ZFAT: variants seen among roughly 807,000 people sequenced by gnomAD.
The protein encoded by ZFAT is zinc finger and AT-hook domain containing, also known as zinc finger protein ZFAT.
A neutral mutation model predicts 117.7 loss-of-function variants in ZFAT; 64 were observed. That is an observed-to-expected ratio of 0.54 (90% CI 0.44 to 0.67). The LOEUF is 0.67. Ranked by LOEUF, ZFAT falls within the 30% of genes least tolerant of loss-of-function variation. The probability of loss-of-function intolerance (pLI) is 0.00; values close to 1 mark genes in which losing one functional copy is unlikely to be tolerated. For synonymous variants in ZFAT, 679 were observed against 615.0 expected (o/e 1.10, Z -1.54); for missense variants, 1,433 against 1,584.5 (o/e 0.90, Z 1.62).
chr8:134,752,271 G>A, the ZFAT span, among the ~76,000 whole-genome samples: 8 of 152,160 alleles, frequency 5.3e-5, 1 homozygote, highest in Admixed American at 2.0e-4. Context: ...TCAAACACCA[G>A]CCTCTGTGGC....
intron 1 of ZFAT, among the ~76,000 whole-genome samples, chr8:134,709,744 A>G (rs751716942): frequency 6.6e-6 from 1 of 152,228 alleles, no homozygotes; most frequent in Non-Finnish European, 1.5e-5. Context: ...CTACTTAACA[A>G]TAGCTATCTT....
At chr8:134,594,857 T>G (rs142059347) in intron 7 of ZFAT, 1 of 152,344 alleles carries the variant, frequency 6.6e-6, no homozygotes, top group East Asian at 1.9e-4. Context: ...GCATCAGGTA[T>G]CTTTGAGGTT....
At chr8:134,587,501 T>A (rs1359180489) in intron 9 of ZFAT, among the ~76,000 whole-genome samples, 1 of 152,154 alleles carries the variant, frequency 6.6e-6, no homozygotes, top group African/African-American at 2.4e-5. Context: ...CTTGTTTTCC[T>A]ATCTGCAGCA....
At chr8:134,584,827 T>C (rs951937987) in intron 9 of ZFAT, among the ~76,000 whole-genome samples, 1 of 152,092 alleles carries the variant, frequency 6.6e-6, no homozygotes, top group African/African-American at 2.4e-5. Context: ...AACCTGCACA[T>C]AGTAATGAAG....
intron 8 of ZFAT, among the ~76,000 whole-genome samples, 187 bp from the exon 9 acceptor site, chr8:134,588,582 A>T (rs1342867313): frequency 6.6e-6 from 1 of 152,228 alleles, no homozygotes; most frequent in Non-Finnish European, 1.5e-5. Context: ...GTATCTGTTA[A>T]CATCATGTAT....
chr8:134,669,865 G>A (rs200847721), intron 1 of ZFAT, among the ~76,000 whole-genome samples: 12 of 152,168 alleles, frequency 7.9e-5, no homozygotes, highest in South Asian at 2.1e-4. Context: ...CCCATCTCAC[G>A]TGCAGAGACA....
At chr8:134,782,782 T>C in the ZFAT span, among the ~76,000 whole-genome samples, 30 of 132,484 alleles carry the variant, frequency 2.3e-4, no homozygotes, top group African/African-American at 1.1e-3. Context: ...CCATTAAACC[T>C]CTTTTTCTTT....
chr8:134,574,718 A>G (rs958630862), intron 10 of ZFAT, among the ~76,000 whole-genome samples: 8 of 152,250 alleles, frequency 5.3e-5, no homozygotes, highest in African/African-American at 1.4e-4. Flanking sequence ...CAAACCTGAA[A>G]GAGCTCTAAA....
chr8:134,831,487 C>T, the ZFAT span, among the ~76,000 whole-genome samples: 17 of 152,240 alleles, frequency 1.1e-4, no homozygotes, highest in African/African-American at 4.1e-4. Flanking sequence ...CCCATCCAGA[C>T]GGGTGCTCCC....
At chr8:134,643,702 G>A (rs1021728193) in intron 2 of ZFAT, among the ~76,000 whole-genome samples, 3 of 152,162 alleles carry the variant, frequency 2.0e-5, no homozygotes, top group Middle Eastern at 3.2e-3. Flanking sequence ...TGTGTGCTCC[G>A]GCACTGGCTG....
At chr8:134,559,841 T>C (rs1487043086) in intron 11 of ZFAT, among the ~76,000 whole-genome samples, 8 of 152,244 alleles carry the variant, frequency 5.3e-5, no homozygotes, top group Non-Finnish European at 4.4e-5. Flanking sequence ...TCTTTTTATA[T>C]ATCCTTTGCC....
intron 15 of ZFAT, among the ~76,000 whole-genome samples, chr8:134,483,346 G>T (rs936842339): frequency 2.6e-5 from 4 of 152,146 alleles, no homozygotes; most frequent in African/African-American, 4.8e-5. Flanking sequence ...AGTAGCAAAA[G>T]CTGGAACTTA....
At chr8:134,678,378 C>T (rs1832907912) in intron 1 of ZFAT, among the ~76,000 whole-genome samples, 1 of 152,264 alleles carries the variant, frequency 6.6e-6, no homozygotes, top group South Asian at 2.1e-4. Flanking sequence ...AGGAATACAA[C>T]TTACAAGGGA....
chr8:134,512,194 C>T (rs1184085071), intron 14 of ZFAT, among the ~76,000 whole-genome samples: 2 of 152,204 alleles, frequency 1.3e-5, no homozygotes. Context: ...CAGATCTCCT[C>T]CCCTCACAAG....
chr8:134,677,717 C>T (rs900168393), intron 1 of ZFAT, among the ~76,000 whole-genome samples: 1 of 152,126 alleles, frequency 6.6e-6, no homozygotes, highest in African/African-American at 2.4e-5. Context: ...ACTGGCAAAC[C>T]GAATCCAGCA....
At chr8:134,791,540 T>C in the ZFAT span, among the ~76,000 whole-genome samples, 2 of 152,196 alleles carry the variant, frequency 1.3e-5, no homozygotes, top group Non-Finnish European at 2.9e-5. Flanking sequence ...GCTGTGTGTA[T>C]ATTTGTTGTT....
intron 15 of ZFAT, among the ~76,000 whole-genome samples, chr8:134,487,679 T>G (rs1817748374): frequency 1.3e-5 from 2 of 152,206 alleles, no homozygotes; most frequent in Non-Finnish European, 2.9e-5. Flanking sequence ...CTTCCAGCTG[T>G]GCTGGTCCAC....
intron 11 of ZFAT, among the ~76,000 whole-genome samples, chr8:134,560,469 C>T (rs1480732566): frequency 6.6e-6 from 1 of 152,198 alleles, no homozygotes; most frequent in Non-Finnish European, 1.5e-5. Flanking sequence ...AATAAACTCA[C>T]TTTTGATTCA....
chr8:134,810,838 G>GA, the ZFAT span, among the ~76,000 whole-genome samples: 1 of 152,138 alleles, frequency 6.6e-6, no homozygotes, highest in African/African-American at 2.4e-5. Context: ...CCTTCCCCCT[G>GA]AAAGTCTGTA....
Sources: gnomAD v4.1 joint callset for allele counts (sites outside exome capture counted in the v4.1 genomes callset) on GRCh38, gnomAD v4.1.1 for gene constraint, MANE v1.5 for transcripts, NCBI Gene and HGNC (gene_info 2026-07-23, HGNC 2026-07-21) for gene names.